Variants in SLC39A11 observed in about 807,000 individuals in gnomAD.
The protein encoded by SLC39A11 is zinc transporter ZIP11.
SLC39A11 carries 33 observed loss-of-function variants against 36.1 expected under a neutral mutation model. The observed-to-expected ratio is 0.91, with a 90% CI of 0.69 to 1.22. The LOEUF (loss-of-function observed/expected upper bound fraction) is 1.22, where lower values mean the gene tolerates loss of function less well. Among genes scored for constraint, SLC39A11 ranks in the 50% most tolerant of loss-of-function variants. The pLI, the probability that SLC39A11 is intolerant of heterozygous loss-of-function variation, is 0.00. For missense variants in SLC39A11, 432 were observed against 430.3 expected (o/e 1.00, Z -0.03); for synonymous variants, 166 against 170.3 (o/e 0.97, Z 0.20).
intron 3 of SLC39A11, among the ~76,000 whole-genome samples, chr17:73,061,185 C>T (rs1223731346): frequency 6.6e-6 from 1 of 152,086 alleles, no homozygotes; most frequent in Non-Finnish European, 1.5e-5. Context: ...CATGGTGAAA[C>T]CCCGTCTCTA....
At chr17:72,704,456 G>A (rs116426177) in intron 7 of SLC39A11, among the ~76,000 whole-genome samples, 52 of 152,242 alleles carry the variant, frequency 3.4e-4, no homozygotes, top group African/African-American at 1.0e-3. Flanking sequence ...TCAAAGATGC[G>A]GCTAGATTCA....
intron 7 of SLC39A11, among the ~76,000 whole-genome samples, chr17:72,725,868 C>T (rs1380683655): frequency 1.3e-5 from 2 of 152,116 alleles, no homozygotes; most frequent in African/African-American, 4.8e-5. Context: ...GCACAATGTG[C>T]GATTGCAGAT....
chr17:72,846,018 C>CTCTTTTTTTTTTT (rs2079035587), intron 6 of SLC39A11, among the ~76,000 whole-genome samples: 1 of 57,950 alleles, frequency 1.7e-5, no homozygotes, highest in Non-Finnish European at 2.8e-5. Context: ...CTCTCTCTCT[C>CTCTTTTTTTTTTT]TTTTTTTTTT....
intron 7 of SLC39A11, among the ~76,000 whole-genome samples, chr17:72,685,280 AG>A (rs2071691405): frequency 6.6e-6 from 1 of 152,242 alleles, no homozygotes. Flanking sequence ...GGAGAATTTC[AG>A]GGGAGGACCT....
chr17:72,776,610 GAAAAAAAA>G, intron 6 of SLC39A11, among the ~76,000 whole-genome samples: 1 of 119,850 alleles, frequency 8.3e-6, no homozygotes, highest in East Asian at 2.5e-4. Context: ...ACTTTGCATG[GAAAAAAAA>G]AAAAAAAAAA....
At chr17:72,983,889 A>G (rs4969043) in intron 4 of SLC39A11, among the ~76,000 whole-genome samples, 151,326 of 152,284 alleles carry the variant, frequency 0.99, 75,189 homozygotes, top group Middle Eastern at 1. Context: ...CCATCTGGGC[A>G]AGGCTCCAAG....
chr17:72,922,295 TTCACCTAC>T (rs1446709028), intron 5 of SLC39A11, among the ~76,000 whole-genome samples: 1 of 152,226 alleles, frequency 6.6e-6, no homozygotes, highest in Non-Finnish European at 1.5e-5. Context: ...CCTCTGCTCT[TTCACCTAC>T]TTTATAGCTC....
intron 5 of SLC39A11, among the ~76,000 whole-genome samples, chr17:72,894,669 CA>C (rs10657098): frequency 0.014 from 1,672 of 121,268 alleles, 33 homozygotes; most frequent in African/African-American, 0.042. Flanking sequence ...GACCCTGTCT[CA>C]AAAAAAAAAA....
At chr17:72,699,899 G>A (rs117033123) in intron 7 of SLC39A11, among the ~76,000 whole-genome samples, 1 of 152,104 alleles carries the variant, frequency 6.6e-6, no homozygotes, top group African/African-American at 2.4e-5. Context: ...CCCCTCTGGA[G>A]GCCCTTTTCA....
intron 6 of SLC39A11, among the ~76,000 whole-genome samples, chr17:72,831,777 TAAG>T (rs1368396793): frequency 2.6e-5 from 4 of 152,220 alleles, no homozygotes; most frequent in Non-Finnish European, 5.9e-5. Context: ...AGAGAATTAT[TAAG>T]AAGAAGCATC....
At position 72,647,325 on chromosome 17, in the gene SLC39A11, C is replaced by A; in HGVS notation, c.*259G>T. The A allele has an allele frequency of 3.3e-6, 1 of 300,698 alleles. No homozygotes were observed. Among genetic ancestry groups the A allele is most frequent in the Non-Finnish European group, 6.2e-6 (1 of 161,230 alleles). 18.6% of individuals were successfully genotyped at this position (300,698 alleles called of 1,614,324 possible). A position where few individuals can be genotyped will look rare whatever the true frequency, so the allele number is the denominator to read the frequency against. The stretch of plus-strand genomic sequence containing the variant: ...GATCTGAAGTTCCTTGATAATCCCA[C>A]TGAAGAGAGAGTCCATTCAGTGGCC... On this transcript the variant is annotated 3_prime_UTR_variant, in exon 10 of 10. Transcript: ENST00000255559.
intron 6 of SLC39A11, among the ~76,000 whole-genome samples, chr17:72,769,597 T>A (rs1480193276): frequency 6.6e-6 from 1 of 151,318 alleles, no homozygotes; most frequent in African/African-American, 2.4e-5. Context: ...CAGGCCAGAG[T>A]GGAGTGGCCC....
chr17:72,870,581 G>A (rs2080557995), intron 5 of SLC39A11, among the ~76,000 whole-genome samples: 1 of 152,210 alleles, frequency 6.6e-6, no homozygotes, highest in Admixed American at 6.5e-5. Context: ...ACCTGGTGTT[G>A]GTCTCATACA....
chr17:72,900,200 A>G lies in SLC39A11; in HGVS notation c.430+47552T>C, dbSNP rs527722661. On this transcript the variant is annotated intron_variant, in intron 5 of 9. Coordinates refer to ENST00000255559, the MANE Select transcript of SLC39A11 (RefSeq NM_139177.4). ...AAGAAAGAAAGAAAGAAAGAAAGAA[A>G]GAAAGAAAGAAAGAAAGAAAGAAAG... Among the ~76,000 whole-genome samples the G allele has an allele frequency of 5.7e-3, 774 of 136,746 alleles. 108 individuals are homozygous for G. Among genetic ancestry groups the G allele is most frequent in the African/African-American group, 0.021 (719 of 33,876 alleles). 89.7% of individuals were successfully genotyped at this position (136,746 alleles called of 152,430 possible). A position where few individuals can be genotyped will look rare whatever the true frequency, so the allele number is the denominator to read the frequency against.
chr17:72,835,308 C>T (rs1315984494), intron 6 of SLC39A11, among the ~76,000 whole-genome samples: 1 of 152,078 alleles, frequency 6.6e-6, no homozygotes, highest in Admixed American at 6.5e-5. Context: ...CTGTGACGTC[C>T]CCATTTAAGA....
chr17:72,981,175 G>A (rs537028349), intron 4 of SLC39A11, among the ~76,000 whole-genome samples: 6 of 152,086 alleles, frequency 3.9e-5, no homozygotes, highest in East Asian at 3.9e-4. Flanking sequence ...CTTCAATAAG[G>A]TAAGCAATAT....
chr17:72,730,376 A>C (rs2074166599), intron 7 of SLC39A11, among the ~76,000 whole-genome samples: 1 of 152,232 alleles, frequency 6.6e-6, no homozygotes, highest in African/African-American at 2.4e-5. Context: ...TGTCTGAGAC[A>C]AAAATGTAAT....
chr17:72,676,291 C>G (rs1181100297), intron 7 of SLC39A11, among the ~76,000 whole-genome samples: 1 of 152,056 alleles, frequency 6.6e-6, no homozygotes, highest in Non-Finnish European at 1.5e-5. Flanking sequence ...GGGAGGGACC[C>G]CAGCCCCTGA....
intron 6 of SLC39A11, among the ~76,000 whole-genome samples, chr17:72,747,063 A>G (rs2074968473): frequency 1.3e-5 from 2 of 152,192 alleles, no homozygotes; most frequent in Admixed American, 1.3e-4. Context: ...AATAAACAAA[A>G]CTAAAAACAA....
Sources: allele counts gnomAD v4.1 joint callset (sites outside exome capture counted in the v4.1 genomes callset), GRCh38; gene constraint gnomAD v4.1.1; transcripts MANE v1.5; gene names NCBI Gene and HGNC (gene_info 2026-07-23, HGNC 2026-07-21).